Variants in SGCZ observed in about 807,000 individuals in gnomAD.
SGCZ encodes the protein sarcoglycan zeta.
In SGCZ, 40 loss-of-function variants were observed where a neutral mutation model predicts 41.3. The ratio of observed to expected loss-of-function variants is 0.97; its 90% CI spans 0.75 to 1.26. The LOEUF is 1.26. SGCZ is among the 50% of genes most tolerant of loss of function. The pLI is 0.00. For synonymous variants in SGCZ, 206 were observed against 137.5 expected (o/e 1.50, Z -3.49); for missense variants, 552 against 369.8 (o/e 1.49, Z -4.04).
intron 1 of SGCZ, among the ~76,000 whole-genome samples, chr8:14,931,244 C>G (rs1050724713): frequency 6.6e-6 from 1 of 151,914 alleles, no homozygotes; most frequent in Admixed American, 6.6e-5. Flanking sequence ...TAAAAAAAAT[C>G]TCATTTTATT....
At chr8:15,212,350 A>T (rs2117162928) in intron 1 of SGCZ, among the ~76,000 whole-genome samples, 1 of 152,204 alleles carries the variant, frequency 6.6e-6, no homozygotes, top group East Asian at 1.9e-4. Flanking sequence ...TGGTGGATTC[A>T]CTCTGCTTGA....
intron 1 of SGCZ, among the ~76,000 whole-genome samples, chr8:15,083,297 T>C (rs1208567541): frequency 6.6e-6 from 1 of 152,188 alleles, no homozygotes; most frequent in Non-Finnish European, 1.5e-5. Context: ...TTATAATCAA[T>C]GTAGAAATAG....
chr8:14,657,085 A>T (rs1227593887), intron 1 of SGCZ, among the ~76,000 whole-genome samples: 1 of 152,032 alleles, frequency 6.6e-6, no homozygotes, highest in Admixed American at 6.6e-5. Context: ...ATTTTCAATA[A>T]CTTTTTAAAT....
chr8:15,146,138 C>G (rs1037355744), intron 1 of SGCZ, among the ~76,000 whole-genome samples: 1 of 131,624 alleles, frequency 7.6e-6, no homozygotes, highest in East Asian at 3.8e-4. Context: ...ACTTAGAAAA[C>G]TAAGAAAAAA....
In SGCZ at chr8:14,549,643, G is replaced by A. The variant is rs952932960; in HGVS notation, c.234+5089C>T. On this transcript the variant is annotated intron_variant, in intron 2 of 7. Transcript: ENST00000382080. ...CTTCAAAGGGACAAGGAAATGCGGGGACGTTGATAGAGGAGAAGAGGTACA... is the reference window on the plus strand; with the variant it reads ...CTTCAAAGGGACAAGGAAATGCGGGAACGTTGATAGAGGAGAAGAGGTACA... Among the ~76,000 whole-genome samples, 30 of 152,018 alleles carry A rather than the reference G, an allele frequency of 2.0e-4. 1 individual carries two copies. The highest frequency in any genetic ancestry group is 1.8e-3 in the Admixed American group (28 of 15,214).
intron 4 of SGCZ, among the ~76,000 whole-genome samples, chr8:14,210,507 G>C (rs1805768772): frequency 6.6e-6 from 1 of 150,468 alleles, no homozygotes; most frequent in Non-Finnish European, 1.5e-5. Flanking sequence ...TTGTTGCCCA[G>C]ACTGGAGTGC....
intron 1 of SGCZ, among the ~76,000 whole-genome samples, chr8:14,641,585 A>G (rs941917730): frequency 1.3e-5 from 2 of 151,650 alleles, no homozygotes; most frequent in Non-Finnish European, 3.0e-5. Context: ...ACAACATATT[A>G]TATTTAAAGT....
intron 1 of SGCZ, among the ~76,000 whole-genome samples, chr8:15,087,100 C>T (rs560738939): frequency 1.4e-4 from 22 of 152,178 alleles, no homozygotes; most frequent in Admixed American, 2.6e-4. Flanking sequence ...ATACCCTCTC[C>T]GTACTTTTGT....
At chr8:14,545,414 C>CT (rs11286961) in intron 2 of SGCZ, among the ~76,000 whole-genome samples, 108 of 107,856 alleles carry the variant, frequency 1.0e-3, no homozygotes, top group South Asian at 2.2e-3. Context: ...CAAATGCTTA[C>CT]TTTTTTTTTT....
chr8:14,540,359 T>G (rs1478696223), intron 2 of SGCZ, among the ~76,000 whole-genome samples: 1 of 151,408 alleles, frequency 6.6e-6, no homozygotes, highest in African/African-American at 2.4e-5. Flanking sequence ...TATGAGAATT[T>G]TTATGGCTGA....
rs574103060 is a variant in SGCZ at position 15,059,017 on chromosome 8, G to A, written c.39+178568C>T. 6.6e-5 allele frequency among the ~76,000 whole-genome samples: 10 copies of A among 152,020 alleles called. No homozygotes were observed. The South Asian group carries it at 1.9e-3, about 28-fold the overall frequency. ...TGTCTCTCTGGGTCACATTTTTTAT[G>A]TTTTTTGTATCTAATTATTCTACCA... On this transcript the variant is annotated intron_variant, in intron 1 of 7. Transcript: ENST00000382080.
chr8:14,903,101 G>A (rs141523000), intron 1 of SGCZ, among the ~76,000 whole-genome samples: 3 of 152,046 alleles, frequency 2.0e-5, no homozygotes, highest in Non-Finnish European at 4.4e-5. Context: ...AGAGGGTTCT[G>A]GTTTCCTTAC....
At chr8:14,113,689 T>C (rs1345718236) in intron 5 of SGCZ, among the ~76,000 whole-genome samples, 2 of 152,082 alleles carry the variant, frequency 1.3e-5, no homozygotes, top group African/African-American at 4.8e-5. Flanking sequence ...ATCACATACA[T>C]TTTCTGCTCA....
At chr8:15,004,099 A>G (rs892854011) in intron 1 of SGCZ, among the ~76,000 whole-genome samples, 3 of 152,130 alleles carry the variant, frequency 2.0e-5, no homozygotes, top group Non-Finnish European at 4.4e-5. Flanking sequence ...ATACCTGTGC[A>G]GAAAGAAAGG....
At chr8:14,190,185 T>C (rs1805050642) in intron 4 of SGCZ, among the ~76,000 whole-genome samples, 1 of 151,816 alleles carries the variant, frequency 6.6e-6, no homozygotes, top group Non-Finnish European at 1.5e-5. Flanking sequence ...GCTAATTCTT[T>C]GTATTTTTAG....
intron 2 of SGCZ, among the ~76,000 whole-genome samples, chr8:14,343,654 C>T (rs1378739648): frequency 7.2e-5 from 11 of 152,076 alleles, no homozygotes; most frequent in Admixed American, 5.9e-4. Flanking sequence ...GTGTTCATTT[C>T]GGAGCCATAG....
intron 2 of SGCZ, among the ~76,000 whole-genome samples, chr8:14,462,597 G>C (rs764325845): frequency 6.6e-6 from 1 of 151,906 alleles, no homozygotes; most frequent in Non-Finnish European, 1.5e-5. Context: ...ATTTTTGCCA[G>C]TACCACACTA....
intron 4 of SGCZ, among the ~76,000 whole-genome samples, chr8:14,218,883 C>A (rs1806092181): frequency 1.3e-5 from 2 of 152,134 alleles, no homozygotes; most frequent in Non-Finnish European, 2.9e-5. Context: ...TGGAGGCCAG[C>A]CATTGAAGTC....
At chr8:14,994,576 C>A (rs1255004855) in intron 1 of SGCZ, among the ~76,000 whole-genome samples, 1 of 147,362 alleles carries the variant, frequency 6.8e-6, no homozygotes, top group African/African-American at 2.6e-5. Flanking sequence ...AAGAGCAAAA[C>A]TGTGCATCCA....
Sources: allele counts gnomAD v4.1 joint callset (sites outside exome capture counted in the v4.1 genomes callset), GRCh38; gene constraint gnomAD v4.1.1; transcripts MANE v1.5; gene names NCBI Gene and HGNC (gene_info 2026-07-23, HGNC 2026-07-21).